Variants in WDR70 observed in about 807,000 individuals in gnomAD.
The protein encoded by WDR70 is WD repeat-containing protein 70.
Under a neutral mutation model 88.6 loss-of-function variants are expected in WDR70, and 53 were observed. That is an observed-to-expected ratio of 0.60 (90% CI 0.48 to 0.75). The LOEUF is 0.75. Ranked by LOEUF, WDR70 falls within the 30% of genes least tolerant of loss-of-function variation. The probability of loss-of-function intolerance (pLI) is 0.00; values close to 1 mark genes in which losing one functional copy is unlikely to be tolerated. For missense variants in WDR70, 610 were observed against 823.2 expected (o/e 0.74, Z 3.17); for synonymous variants, 280 against 270.0 (o/e 1.04, Z -0.36).
chr5:37,446,279 A>G (rs571812177), intron 7 of WDR70, among the ~76,000 whole-genome samples: 157 of 152,266 alleles, frequency 1.0e-3, no homozygotes, highest in Non-Finnish European at 1.8e-3. Flanking sequence ...ACTGCTCAAC[A>G]AAATGAAAGA....
chr5:37,567,117 T>C (rs1303307980), intron 9 of WDR70, among the ~76,000 whole-genome samples: 1 of 152,166 alleles, frequency 6.6e-6, no homozygotes, highest in Non-Finnish European at 1.5e-5. Flanking sequence ...TATTTGTAAA[T>C]AAATGAGTGC....
At chr5:37,457,804 A>T (rs1260427758) in intron 7 of WDR70, among the ~76,000 whole-genome samples, 1 of 152,170 alleles carries the variant, frequency 6.6e-6, no homozygotes, top group Non-Finnish European at 1.5e-5. Flanking sequence ...TTTTTGTATG[A>T]CACTTGAACT....
At chr5:37,401,984 TTAACTATAG>T in intron 5 of WDR70, among the ~76,000 whole-genome samples, 1 of 152,218 alleles carries the variant, frequency 6.6e-6, no homozygotes, top group East Asian at 1.9e-4. Flanking sequence ...TAAACAGTTG[TTAACTATAG>T]TTACTTTACA....
intron 9 of WDR70, among the ~76,000 whole-genome samples, chr5:37,594,969 G>T (rs1743658037): frequency 6.6e-6 from 1 of 152,182 alleles, no homozygotes. Context: ...AGGAATGCTT[G>T]TGATTTTTGC....
At chr5:37,553,574 G>A (rs1277650870) in intron 9 of WDR70, among the ~76,000 whole-genome samples, 8 of 152,186 alleles carry the variant, frequency 5.3e-5, no homozygotes, top group South Asian at 2.1e-4. Flanking sequence ...CTGTGCGTGC[G>A]CATGTGTGCT....
At chr5:37,388,967 A>T (rs186064917) in intron 3 of WDR70, among the ~76,000 whole-genome samples, 348 of 152,176 alleles carry the variant, frequency 2.3e-3, no homozygotes, top group African/African-American at 8.2e-3. Flanking sequence ...TAGTAATATA[A>T]TTGACTGTAA....
chr5:37,475,205 C>T (rs55735492), intron 7 of WDR70, among the ~76,000 whole-genome samples: 1 of 10,326 alleles, frequency 9.7e-5, no homozygotes, highest in Admixed American at 9.3e-3. Flanking sequence ...TAGGTGTGAG[C>T]CACGGTACCC....
chr5:37,430,382 C>T (rs1385283070), intron 5 of WDR70, among the ~76,000 whole-genome samples: 1 of 152,144 alleles, frequency 6.6e-6, no homozygotes, highest in Non-Finnish European at 1.5e-5. Context: ...AGAATCAAAG[C>T]AGCACTGGGT....
At chr5:37,532,710 T>C (rs948022506) in intron 9 of WDR70, among the ~76,000 whole-genome samples, 6 of 152,194 alleles carry the variant, frequency 3.9e-5, no homozygotes, top group Non-Finnish European at 7.3e-5. Context: ...CACCTTTCTC[T>C]GTTGACTCCG....
intron 5 of WDR70, among the ~76,000 whole-genome samples, chr5:37,401,505 C>T (rs571517309): frequency 4.6e-5 from 7 of 151,458 alleles, no homozygotes; most frequent in Admixed American, 1.3e-4. Context: ...TTAGTAGAGA[C>T]GGAGTTTCAC....
At chr5:37,666,983 T>C (rs1355377497) in intron 10 of WDR70, among the ~76,000 whole-genome samples, 3 of 152,142 alleles carry the variant, frequency 2.0e-5, no homozygotes, top group African/African-American at 7.2e-5. Flanking sequence ...ATAGTGAGTG[T>C]CCAATACATG....
chr5:37,728,544 A>G (rs1397419931), intron 17 of WDR70, among the ~76,000 whole-genome samples: 1 of 151,828 alleles, frequency 6.6e-6, no homozygotes, highest in Non-Finnish European at 1.5e-5. Flanking sequence ...TATTGTGTAC[A>G]CTTTCCCTCA....
intron 13 of WDR70, among the ~76,000 whole-genome samples, chr5:37,720,530 T>C (rs553372385): frequency 1.3e-5 from 2 of 152,210 alleles, no homozygotes; most frequent in African/African-American, 2.4e-5. Flanking sequence ...AAACAGCTTT[T>C]CATTTAGGTT....
At chr5:37,611,881 G>A (rs1561922588) in intron 10 of WDR70, among the ~76,000 whole-genome samples, 1 of 149,840 alleles carries the variant, frequency 6.7e-6, no homozygotes, top group African/African-American at 2.5e-5. Flanking sequence ...GATTATAGTC[G>A]ATAAGTATCC....
chr5:37,589,051 C>T (rs575434547), intron 9 of WDR70, among the ~76,000 whole-genome samples: 1 of 152,130 alleles, frequency 6.6e-6, no homozygotes, highest in South Asian at 2.1e-4. Context: ...GCATGAGCCA[C>T]TGCGCCCGGC....
chr5:37,451,339 A>G (rs1738671293), intron 7 of WDR70, among the ~76,000 whole-genome samples: 1 of 152,136 alleles, frequency 6.6e-6, no homozygotes, highest in South Asian at 2.1e-4. Flanking sequence ...CCAGTAGTTT[A>G]AGAGTGCTGT....
chr5:37,600,909 T>TTTTTTG (rs1393920966), intron 9 of WDR70, among the ~76,000 whole-genome samples: 1 of 152,224 alleles, frequency 6.6e-6, no homozygotes, highest in African/African-American at 2.4e-5. Context: ...CTCTAACACT[T>TTTTTTG]TTTTTGTTTT....
At chr5:37,720,935 T>G (rs1747792364) in intron 13 of WDR70, among the ~76,000 whole-genome samples, 180 bp from the exon 14 acceptor site, 1 of 152,180 alleles carries the variant, frequency 6.6e-6, no homozygotes, top group African/African-American at 2.4e-5. Context: ...AGATAATAAG[T>G]GATGGAATGG....
intron 10 of WDR70, among the ~76,000 whole-genome samples, chr5:37,675,052 T>A (rs1465145821): frequency 6.6e-6 from 1 of 151,910 alleles, no homozygotes; most frequent in Admixed American, 6.5e-5. Flanking sequence ...TGTCTGTTCA[T>A]GTCCTTCGCC....
Sources: allele counts gnomAD v4.1 joint callset (sites outside exome capture counted in the v4.1 genomes callset), GRCh38; gene constraint gnomAD v4.1.1; transcripts MANE v1.5; gene names NCBI Gene and HGNC (gene_info 2026-07-23, HGNC 2026-07-21).